Variants in MTO1 observed in about 807,000 individuals in gnomAD.
MTO1 encodes the protein mitochondrial tRNA translation optimization 1.
In MTO1, 46 loss-of-function variants were observed where a neutral mutation model predicts 71.6. The ratio of observed to expected loss-of-function variants is 0.64; its 90% CI spans 0.51 to 0.82. The LOEUF (loss-of-function observed/expected upper bound fraction) is 0.82, where lower values mean the gene tolerates loss of function less well. Among genes scored for constraint, MTO1 ranks in the 40% least tolerant of loss-of-function variants. MTO1 has a pLI of 0.00. For synonymous variants in MTO1, 297 were observed against 312.1 expected (o/e 0.95, Z 0.51); for missense variants, 773 against 867.5 (o/e 0.89, Z 1.37).
At chr6:73,494,484 T>C (rs1437348905) in intron 10 of MTO1, among the ~76,000 whole-genome samples, 1 of 150,718 alleles carries the variant, frequency 6.6e-6, no homozygotes, top group East Asian at 1.9e-4. Flanking sequence ...TTTTTCTTTT[T>C]TTTTTTTTTT....
intron 3 of MTO1, among the ~76,000 whole-genome samples, chr6:73,472,207 A>G (rs1771177878): frequency 6.6e-6 from 1 of 152,158 alleles, no homozygotes; most frequent in African/African-American, 2.4e-5. Flanking sequence ...CCTCTGCTAG[A>G]TGAGTTACCA....
intron 10 of MTO1, 45 bp downstream of exon 10, chr6:73,492,397 A>G: frequency 8.1e-7 from 1 of 1,238,408 alleles, no homozygotes; most frequent in East Asian, 2.3e-5. Context: ...CATATGTGCA[A>G]ATTATGAATA....
intron 7 of MTO1, among the ~76,000 whole-genome samples, 172 bp from the exon 8 acceptor site, chr6:73,481,868 T>C (rs879649410): frequency 6.6e-6 from 1 of 152,188 alleles, no homozygotes; most frequent in Non-Finnish European, 1.5e-5. Context: ...AGTGATATAT[T>C]ACCCATATTC....
chr6:73,465,234 G>T (rs1269236010), intron 1 of MTO1, among the ~76,000 whole-genome samples: 1 of 151,582 alleles, frequency 6.6e-6, no homozygotes, highest in Non-Finnish European at 1.5e-5. Context: ...TGCCATCTCG[G>T]CTCACTGCAA....
chr6:73,484,804 C>T (rs1486543400), intron 9 of MTO1, among the ~76,000 whole-genome samples: 1 of 151,870 alleles, frequency 6.6e-6, no homozygotes, highest in Non-Finnish European at 1.5e-5. Flanking sequence ...GCCTGTAATC[C>T]CATCGTTTTG....
At chr6:73,478,368 C>A (rs1389717753) in intron 4 of MTO1, among the ~76,000 whole-genome samples, 2 of 151,728 alleles carry the variant, frequency 1.3e-5, no homozygotes, top group Non-Finnish European at 2.9e-5. Context: ...TCACTTAAGC[C>A]TAGGAGTTCA....
chr6:73,479,710 G>A (rs1771429799), intron 4 of MTO1, 22 bp from the exon 5 acceptor site: 3 of 1,555,726 alleles, frequency 1.9e-6, no homozygotes, highest in Non-Finnish European at 2.7e-6. Context: ...AATCAGTATT[G>A]CATCTGGTTA....
intron 11 of MTO1, among the ~76,000 whole-genome samples, chr6:73,498,564 A>C (rs182887047): frequency 6.6e-6 from 1 of 151,830 alleles, no homozygotes; most frequent in Non-Finnish European, 1.5e-5. Context: ...GCTTCAGACT[A>C]ATTGTGAGAG....
intron 9 of MTO1, among the ~76,000 whole-genome samples, chr6:73,491,333 C>G (rs1771796988): frequency 6.7e-6 from 1 of 149,584 alleles, no homozygotes; most frequent in African/African-American, 2.5e-5. Flanking sequence ...TCATGTAATC[C>G]TGGCACTTTG....
chr6:73,474,749 C>A lies in MTO1; in HGVS notation c.825+1095C>A, dbSNP rs529413011. Among the ~76,000 whole-genome samples, 8 of 149,710 alleles carry A rather than the reference C, an allele frequency of 5.3e-5. No homozygotes were observed. The South Asian group carries it at 1.7e-3, about 32-fold the overall frequency. ...GATTACAGATGTGAGCCACTGCACC[C>A]GACTTTTTTTTTTTTCTTTTTTTGA... On this transcript the variant is annotated intron_variant, in intron 4 of 11. Coordinates refer to ENST00000498286, the MANE Select transcript of MTO1 (RefSeq NM_012123.4).
intron 9 of MTO1, among the ~76,000 whole-genome samples, chr6:73,483,627 A>T (rs1388775790): frequency 6.6e-6 from 1 of 151,410 alleles, no homozygotes; most frequent in Non-Finnish European, 1.5e-5. Flanking sequence ...TTTGTTTTTA[A>T]TTTTTTTGAG....
At chr6:73,498,294 C>T (rs964343822) in intron 11 of MTO1, among the ~76,000 whole-genome samples, 2 of 151,724 alleles carry the variant, frequency 1.3e-5, no homozygotes, top group African/African-American at 4.8e-5. Context: ...GATGATAAAG[C>T]TTAACTTTAA....
At chr6:73,492,089 G>A (rs1486964063) in intron 9 of MTO1, 145 bp from the exon 10 acceptor site, 4 of 539,724 alleles carry the variant, frequency 7.4e-6, no homozygotes, top group Non-Finnish European at 1.3e-5. Flanking sequence ...GGGCGACAGA[G>A]CGAGACTCCA....
At chr6:73,478,108 G>A (rs2150034563) in intron 4 of MTO1, among the ~76,000 whole-genome samples, 1 of 151,958 alleles carries the variant, frequency 6.6e-6, no homozygotes, top group East Asian at 2.0e-4. Flanking sequence ...AATTAGCTGG[G>A]CATGGTGGCA....
At chr6:73,467,611 C>CAA (rs1214408634) in intron 3 of MTO1, among the ~76,000 whole-genome samples, 1 of 26,564 alleles carries the variant, frequency 3.8e-5, no homozygotes, top group Non-Finnish European at 1.0e-4. Flanking sequence ...GAAACTCTGT[C>CAA]TCAAAATAAA....
At chr6:73,466,932 CAT>C (rs982067664) in intron 3 of MTO1, among the ~76,000 whole-genome samples, 3 of 151,628 alleles carry the variant, frequency 2.0e-5, no homozygotes, top group African/African-American at 7.3e-5. Context: ...TTAAAAAATT[CAT>C]ATTTTAACAG....
intron 3 of MTO1, among the ~76,000 whole-genome samples, chr6:73,469,851 CA>C (rs960919816): frequency 6.6e-6 from 1 of 151,670 alleles, no homozygotes; most frequent in Admixed American, 6.6e-5. Context: ...ACTAAAAATA[CA>C]AAATTACCCA....
chr6:73,468,228 C>T (rs1256595739), intron 3 of MTO1, among the ~76,000 whole-genome samples: 1 of 152,000 alleles, frequency 6.6e-6, no homozygotes, highest in Non-Finnish European at 1.5e-5. Flanking sequence ...AGCAATTCTC[C>T]TGCCTCAGCC....
chr6:73,476,133 C>T (rs1771310524), intron 4 of MTO1, among the ~76,000 whole-genome samples: 1 of 151,462 alleles, frequency 6.6e-6, no homozygotes, highest in Non-Finnish European at 1.5e-5. Context: ...GAGGCTGAGG[C>T]AGGTGGATCA....
Sources: allele counts gnomAD v4.1 joint callset (sites outside exome capture counted in the v4.1 genomes callset), GRCh38; gene constraint gnomAD v4.1.1; transcripts MANE v1.5; gene names NCBI Gene and HGNC (gene_info 2026-07-23, HGNC 2026-07-21).